Variants in CLSTN2 observed in about 807,000 individuals in gnomAD.
The protein encoded by CLSTN2 is calsyntenin-2.
CLSTN2 carries 48 observed loss-of-function variants against 101.2 expected under a neutral mutation model. That is an observed-to-expected ratio of 0.47 (90% CI 0.38 to 0.60). CLSTN2 has a LOEUF of 0.60. Among genes scored for constraint, CLSTN2 ranks in the 20% least tolerant of loss-of-function variants. The probability of loss-of-function intolerance (pLI) is 0.00; values close to 1 mark genes in which losing one functional copy is unlikely to be tolerated. For missense variants in CLSTN2, 1,160 were observed against 1,238.2 expected, an observed-to-expected ratio of 0.94 and a Z score of 0.95; for synonymous variants, 481 against 463.6, an observed-to-expected ratio of 1.04 and a Z score of -0.48.
intron 9 of CLSTN2, among the ~76,000 whole-genome samples, chr3:140,542,520 C>G (rs1024632073): frequency 8.5e-5 from 13 of 152,072 alleles, no homozygotes; most frequent in Admixed American, 6.6e-4. Flanking sequence ...CATGCAGACA[C>G]CCTAGATATT....
chr3:139,948,011 T>C (rs964161120), intron 1 of CLSTN2, among the ~76,000 whole-genome samples: 1 of 152,164 alleles, frequency 6.6e-6, no homozygotes, highest in Non-Finnish European at 1.5e-5. Context: ...AATATTCCAC[T>C]ACTACTTTGT....
chr3:139,940,225 G>A (rs1018245483), intron 1 of CLSTN2, among the ~76,000 whole-genome samples: 7 of 152,176 alleles, frequency 4.6e-5, no homozygotes, highest in African/African-American at 1.4e-4. Context: ...AATCCCTAGT[G>A]CTGTCATTTC....
At chr3:140,309,084 TC>T (rs1406928547) in intron 2 of CLSTN2, among the ~76,000 whole-genome samples, 2 of 152,212 alleles carry the variant, frequency 1.3e-5, no homozygotes, top group Non-Finnish European at 2.9e-5. Flanking sequence ...TCTTCTCTGT[TC>T]CCTACTCTCA....
At chr3:140,460,508 T>TA (rs1301068624) in intron 7 of CLSTN2, among the ~76,000 whole-genome samples, 1 of 152,246 alleles carries the variant, frequency 6.6e-6, no homozygotes, top group Non-Finnish European at 1.5e-5. Context: ...CTGTGTTAGC[T>TA]ATTACTATTC....
At chr3:140,030,315 C>A (rs985329476) in intron 1 of CLSTN2, among the ~76,000 whole-genome samples, 2 of 152,074 alleles carry the variant, frequency 1.3e-5, no homozygotes, top group African/African-American at 4.8e-5. Context: ...CAATGTTATA[C>A]CTCTGGTGTG....
At chr3:140,071,860 TAAAA>T (rs1025060919) in intron 1 of CLSTN2, among the ~76,000 whole-genome samples, 1 of 145,472 alleles carries the variant, frequency 6.9e-6, no homozygotes, top group Non-Finnish European at 1.5e-5. Context: ...AATAAATAAA[TAAAA>T]AAGAAAAACA....
intron 2 of CLSTN2, among the ~76,000 whole-genome samples, chr3:140,278,589 T>G (rs889714842): frequency 1.3e-5 from 2 of 152,156 alleles, no homozygotes; most frequent in Non-Finnish European, 2.9e-5. Context: ...CTTCATTACA[T>G]CCCCTGGGCC....
At chr3:140,536,295 G>C (rs908384058) in intron 9 of CLSTN2, among the ~76,000 whole-genome samples, 3 of 151,780 alleles carry the variant, frequency 2.0e-5, no homozygotes, top group South Asian at 4.2e-4. Context: ...TAGTGTGCTT[G>C]GCATGTTTTG....
chr3:140,003,957 C>T (rs1003256774), intron 1 of CLSTN2, among the ~76,000 whole-genome samples: 1 of 152,048 alleles, frequency 6.6e-6, no homozygotes, highest in African/African-American at 2.4e-5. Flanking sequence ...CAAATTTTCT[C>T]GCCTCTTCAT....
intron 5 of CLSTN2, among the ~76,000 whole-genome samples, chr3:140,430,907 A>G (rs1263417205): frequency 6.6e-6 from 1 of 152,256 alleles, no homozygotes; most frequent in Non-Finnish European, 1.5e-5. Context: ...AATTCGTATC[A>G]GCCTATTCCA....
chr3:140,269,161 A>T (rs1002302246), intron 2 of CLSTN2, among the ~76,000 whole-genome samples: 20 of 152,314 alleles, frequency 1.3e-4, no homozygotes, highest in Middle Eastern at 3.4e-3. Context: ...TTTAGTTAAG[A>T]GGAAGATTTT....
chr3:140,345,931 G>C (rs1371697410), intron 2 of CLSTN2, among the ~76,000 whole-genome samples: 1 of 152,174 alleles, frequency 6.6e-6, no homozygotes. Context: ...ATCTGTATTT[G>C]CTGGTTCAAT....
intron 4 of CLSTN2, among the ~76,000 whole-genome samples, chr3:140,420,399 T>C (rs1171239822): frequency 6.6e-6 from 1 of 152,184 alleles, no homozygotes; most frequent in Non-Finnish European, 1.5e-5. Flanking sequence ...TTATTAGTTC[T>C]TTGGAACTAA....
At chr3:140,513,020 C>T (rs755665763) in intron 8 of CLSTN2, among the ~76,000 whole-genome samples, 7 of 152,150 alleles carry the variant, frequency 4.6e-5, no homozygotes, top group East Asian at 3.8e-4. Flanking sequence ...TCAACTAAGA[C>T]GATGGGATTT....
chr3:140,455,557 G>C (rs1343600165), intron 6 of CLSTN2, among the ~76,000 whole-genome samples: 1 of 152,144 alleles, frequency 6.6e-6, no homozygotes, highest in Non-Finnish European at 1.5e-5. Flanking sequence ...CTCATCCCTG[G>C]TTTCAGTCCC....
At chr3:140,240,176 A>C (rs182214146) in intron 2 of CLSTN2, among the ~76,000 whole-genome samples, 3,091 of 10,152 alleles carry the variant, frequency 0.3, 230 homozygotes, top group African/African-American at 0.35. Flanking sequence ...CTCTCTCTCT[A>C]TATATATATA....
chr3:139,999,632 GT>G (rs1356719423), intron 1 of CLSTN2, among the ~76,000 whole-genome samples: 1 of 152,096 alleles, frequency 6.6e-6, no homozygotes, highest in East Asian at 1.9e-4. Flanking sequence ...TTAAAATAAT[GT>G]TTCTGCTACA....
intron 1 of CLSTN2, among the ~76,000 whole-genome samples, chr3:140,105,959 CTGCAGAGGCTGGCA>C (rs1327058050): frequency 6.6e-6 from 1 of 152,162 alleles, no homozygotes; most frequent in East Asian, 1.9e-4. Flanking sequence ...CCTATTTAGT[CTGCAGAGGCTGGCA>C]TGGTGGGCCT....
chr3:140,516,550 A>AT (rs111255841), intron 8 of CLSTN2, among the ~76,000 whole-genome samples: 27,534 of 142,768 alleles, frequency 0.19, 2,860 homozygotes, highest in East Asian at 0.34. Flanking sequence ...TTCTTTTGGC[A>AT]TTTTTTTTTT....
Sources: gnomAD v4.1 joint callset for allele counts (sites outside exome capture counted in the v4.1 genomes callset) on GRCh38, gnomAD v4.1.1 for gene constraint, MANE v1.5 for transcripts, NCBI Gene and HGNC (gene_info 2026-07-23, HGNC 2026-07-21) for gene names.